Variants in DGKG observed in about 807,000 individuals in gnomAD.
DGKG encodes diacylglycerol kinase gamma.
Under a neutral mutation model 105.3 loss-of-function variants are expected in DGKG, and 78 were observed. The ratio of observed to expected loss-of-function variants is 0.74; its 90% confidence interval spans 0.62 to 0.89. DGKG has a LOEUF of 0.89. Ranked by LOEUF, DGKG falls within the 40% of genes least tolerant of loss-of-function variation. DGKG has a pLI of 0.00. For missense variants in DGKG, 958 were observed against 1,020.1 expected, an observed-to-expected ratio of 0.94 and a Z score of 0.83; for synonymous variants, 346 against 367.1, an observed-to-expected ratio of 0.94 and a Z score of 0.66.
intron 20 of DGKG, among the ~76,000 whole-genome samples, chr3:186,223,231 C>T (rs116295142): frequency 0.024 from 3,589 of 151,446 alleles, 104 homozygotes; most frequent in African/African-American, 0.08. Context: ...CCTACATCCC[C>T]GGCGGTGACC....
At chr3:186,259,360 AGTGATGGCAATCACGGTGACT>A (rs1220361735) in intron 16 of DGKG, among the ~76,000 whole-genome samples, 2 of 152,242 alleles carry the variant, frequency 1.3e-5, no homozygotes, top group Non-Finnish European at 2.9e-5. Context: ...ACTGTTCAGC[AGTGATGGCAATCACGGTGACT>A]GTGATGGCAA....
intron 1 of DGKG, among the ~76,000 whole-genome samples, chr3:186,357,111 C>G (rs1308670386): frequency 6.6e-6 from 1 of 152,094 alleles, no homozygotes; most frequent in African/African-American, 2.4e-5. Context: ...AACAGATGAT[C>G]TTAGTAGTTA....
chr3:186,263,135 AAAACAAACAAAC>A (rs113732220), intron 14 of DGKG, among the ~76,000 whole-genome samples: 3 of 149,748 alleles, frequency 2.0e-5, no homozygotes, highest in Non-Finnish European at 4.5e-5. Context: ...TCGGAAAAGA[AAAACAAACAAAC>A]AAACAAACAA....
chr3:186,223,349 C>T (rs963358244), intron 20 of DGKG, among the ~76,000 whole-genome samples: 24 of 152,000 alleles, frequency 1.6e-4, no homozygotes, highest in African/African-American at 5.8e-4. Context: ...CTGAAGTATG[C>T]ATCCTGTGTC....
At chr3:186,246,816 A>T (rs1720965480) in intron 19 of DGKG, among the ~76,000 whole-genome samples, 1 of 152,160 alleles carries the variant, frequency 6.6e-6, no homozygotes, top group Non-Finnish European at 1.5e-5. Flanking sequence ...CAAGGTGGAA[A>T]ACGGTGCGTG....
chr3:186,192,486 T>C (rs1560088381), intron 21 of DGKG, among the ~76,000 whole-genome samples: 1 of 152,314 alleles, frequency 6.6e-6, no homozygotes, highest in East Asian at 1.9e-4. Context: ...TCTAGGGCAC[T>C]GTGCTGGGAT....
chr3:186,298,382 C>G (rs1489225514), intron 3 of DGKG, among the ~76,000 whole-genome samples, 153 bp from the exon 4 acceptor site: 3 of 151,960 alleles, frequency 2.0e-5, no homozygotes, highest in African/African-American at 7.3e-5. Flanking sequence ...AATGAAAAGG[C>G]CAGGGAAGTG....
intron 6 of DGKG, among the ~76,000 whole-genome samples, chr3:186,287,086 G>A (rs1723105465): frequency 7.1e-6 from 1 of 140,034 alleles, no homozygotes; most frequent in Admixed American, 7.1e-5. Flanking sequence ...AAAAGATGGA[G>A]AGGGATCCAA....
At position 186,149,879 on chromosome 3, in the gene DGKG, C is replaced by T. The variant is rs771220995; in HGVS notation, c.*211G>A. The stretch of plus-strand genomic sequence containing the variant: ...GTCCATTCAAAATGTTTTGTTGGCA[C>T]TGGCTCTGTTAGGGGTGTACCCACT... On this transcript the variant is annotated 3_prime_UTR_variant, in exon 25 of 25. Transcript: ENST00000265022. 23 of 1,328,810 alleles carry T rather than the reference C, an allele frequency of 1.7e-5. No individual in the cohort carries two copies. The highest frequency in any genetic ancestry group is 2.1e-5 in the Non-Finnish European group (22 of 1,041,274). 82.3% of individuals were successfully genotyped at this position (1,328,810 alleles called of 1,614,324 possible).
rs373781204 is a variant in DGKG at position 186,288,736 on chromosome 3, G to A, written c.518C>T (p.Thr173Met). The change falls in exon 6 of 25, where the codon ACG becomes ATG. Residue 173 changes from threonine (T) to methionine (M), a missense_variant. Coordinates refer to ENST00000265022, the MANE Select transcript of DGKG (RefSeq NM_001346.3). ...DVVCYLSLLE[T>M]GRPQDKLEFM... ...CTCCAGCTTATCCTGAGGCCTCCCC[G>A]TCTCCAGCAGGGACAGGTAGCACAC... The A allele has an allele frequency of 1.3e-4, 207 of 1,614,010 alleles. 1 individual carries two copies. Among genetic ancestry groups the A allele is most frequent in the Admixed American group, 4.8e-4 (29 of 59,998 alleles).
At chr3:186,217,907 C>T (rs753211215) in intron 20 of DGKG, among the ~76,000 whole-genome samples, 1 of 152,122 alleles carries the variant, frequency 6.6e-6, no homozygotes, top group Non-Finnish European at 1.5e-5. Flanking sequence ...AAATAGAAGC[C>T]CTTGAAGTGA....
intron 1 of DGKG, among the ~76,000 whole-genome samples, chr3:186,351,271 A>G (rs748078076): frequency 7.2e-5 from 11 of 152,206 alleles, no homozygotes; most frequent in Non-Finnish European, 1.5e-4. Flanking sequence ...ATATTCCCAA[A>G]TATTTTTATA....
At chr3:186,223,774 T>C (rs977294465) in intron 20 of DGKG, among the ~76,000 whole-genome samples, 10 of 152,246 alleles carry the variant, frequency 6.6e-5, no homozygotes, top group African/African-American at 2.4e-4. Flanking sequence ...CTTCTTATTC[T>C]TGTGTATACA....
intron 1 of DGKG, among the ~76,000 whole-genome samples, chr3:186,345,573 G>A (rs1373810519): frequency 1.3e-5 from 2 of 152,070 alleles, no homozygotes; most frequent in Non-Finnish European, 2.9e-5. Context: ...TTAAGTGTCA[G>A]GAATGAAATG....
intron 17 of DGKG, among the ~76,000 whole-genome samples, chr3:186,255,479 T>A (rs1428366642): frequency 1.3e-5 from 2 of 151,326 alleles, no homozygotes; most frequent in African/African-American, 2.4e-5. Flanking sequence ...AGATCTGGAG[T>A]GGAAGCTGAC....
chr3:186,229,578 A>G (rs576086588), intron 20 of DGKG, among the ~76,000 whole-genome samples: 2 of 152,246 alleles, frequency 1.3e-5, no homozygotes, highest in South Asian at 4.2e-4. Flanking sequence ...GAGCGAATAC[A>G]TTTCTGCTGT....
intron 9 of DGKG, among the ~76,000 whole-genome samples, chr3:186,276,394 G>A (rs1454969360): frequency 6.6e-6 from 1 of 152,166 alleles, no homozygotes; most frequent in African/African-American, 2.4e-5. Flanking sequence ...GTTAACAGAG[G>A]TTGGCTATAG....
chr3:186,329,732 A>G (rs1725512647), intron 1 of DGKG, among the ~76,000 whole-genome samples: 2 of 152,236 alleles, frequency 1.3e-5, no homozygotes, highest in Non-Finnish European at 2.9e-5. Flanking sequence ...CTTCAACTCT[A>G]TAACTCTTAT....
chr3:186,235,987 G>C (rs536297826), intron 20 of DGKG, among the ~76,000 whole-genome samples: 26 of 152,260 alleles, frequency 1.7e-4, no homozygotes, highest in Admixed American at 1.4e-3. Context: ...ATTTCACCTG[G>C]GGTCTATGAC....
Sources: allele counts gnomAD v4.1 joint callset (sites outside exome capture counted in the v4.1 genomes callset), GRCh38; gene constraint gnomAD v4.1.1; transcripts MANE v1.5; gene names NCBI Gene and HGNC (gene_info 2026-07-23, HGNC 2026-07-21).